The following AMPD1 variants were observed in gnomAD, a reference collection of about 807,000 sequenced individuals.
The protein encoded by AMPD1 is AMP deaminase 1.
AMPD1 carries 74 observed loss-of-function variants against 82.9 expected under a neutral mutation model. The observed-to-expected ratio is 0.89, with a 90% CI of 0.74 to 1.08. AMPD1 has a LOEUF of 1.08. Among genes scored for constraint, AMPD1 ranks in the 50% least tolerant of loss-of-function variants. The probability of loss-of-function intolerance (pLI) is 0.00; values close to 1 mark genes in which losing one functional copy is unlikely to be tolerated. For synonymous variants in AMPD1, 333 were observed against 320.5 expected (o/e 1.04, Z -0.42); for missense variants, 881 against 924.5 (o/e 0.95, Z 0.61).
chr1:114,695,326 G>A, intron 1 of AMPD1, 124 bp downstream of exon 1: 1 of 1,405,782 alleles, frequency 7.1e-7, no homozygotes, highest in Non-Finnish European at 9.8e-7. Context: ...TGAAATGTAT[G>A]TTAAAGCTAT....
chr1:114,677,828 TCC>T lies in AMPD1; in HGVS notation c.1224+80_1224+81del, dbSNP rs1333427610. 4.0e-6 allele frequency: 5 copies of T among 1,234,774 alleles called. No homozygotes were observed. In the African/African-American group the frequency reaches 7.8e-5, roughly 19 times the overall value. The allele number at this position is 1,234,774 out of a possible 1,614,324, so 76.5% of individuals were successfully genotyped here. A position where few individuals can be genotyped will look rare whatever the true frequency, so the allele number is the denominator to read the frequency against. ...TTCCTTCCTTCCTTCCTTCCTTCCTTCCTTCCTTCCTTCCTTCCTTCCTTCTT... is the reference window on the plus strand; with the variant it reads ...TTCCTTCCTTCCTTCCTTCCTTCCTTTTCCTTCCTTCCTTCCTTCCTTCTT... On this transcript the variant is annotated intron_variant, in intron 9 of 15. Coordinates refer to ENST00000520113, the MANE Select transcript of AMPD1 (RefSeq NM_000036.3).
chr1:114,683,516 G>T (rs1271756081), intron 5 of AMPD1, among the ~76,000 whole-genome samples: 2 of 152,070 alleles, frequency 1.3e-5, no homozygotes, highest in Non-Finnish European at 2.9e-5. Context: ...CAGGCAGATC[G>T]CTTGAGGCCA....
intron 3 of AMPD1, among the ~76,000 whole-genome samples, chr1:114,687,914 A>G (rs1658367065): frequency 6.6e-6 from 1 of 152,100 alleles, no homozygotes. Flanking sequence ...CCCAGTTTAT[A>G]TTACCATTGT....
rs1557969933 is a variant in AMPD1, at chr1:114,678,436, A to AC, written c.988dup (p.Val330GlyfsTer4). On this transcript the variant is annotated frameshift_variant, in exon 8 of 16. Transcript: ENST00000520113. LOFTEE classifies it high-confidence loss of function. ...ATTCTTCTCTTTGGTGCTATAGACC[A>AC]CTCTGTCAGCATCAATTTGGTAAGA... is the stretch of plus-strand genomic sequence containing the variant. The AC allele has an allele frequency of 6.2e-7, 1 of 1,613,950 alleles. No individual in the cohort carries two copies. The highest frequency in any genetic ancestry group is 1.3e-5 in the African/African-American group (1 of 74,878).
At chr1:114,675,049 G>T in intron 12 of AMPD1, 177 bp from the exon 13 acceptor site, 1 of 814,144 alleles carries the variant, frequency 1.2e-6, no homozygotes, top group Non-Finnish European at 2.0e-6. Flanking sequence ...AAAAGAGGCA[G>T]CAGAGGATAT....
Position 114,674,640 on chromosome 1 carries a change from T to TA in AMPD1, c.1800+111dup, listed in dbSNP as rs370838536. On this transcript the variant is annotated intron_variant, in intron 13 of 15. Transcript: ENST00000520113. ...CTAAACTAAAAAATCTTTTATGCTC[T>TA]ACTTGATTATGATTGCAGTGTCGAT... The TA allele has an allele frequency of 4.3e-3, 5,728 of 1,338,968 alleles. 71 individuals carry two copies. Among genetic ancestry groups the TA allele is most frequent in the South Asian group, 0.031 (2,432 of 78,050 alleles). 82.9% of individuals were successfully genotyped at this position (1,338,968 alleles called of 1,614,324 possible). A position where few individuals can be genotyped will look rare whatever the true frequency, so the allele number is the denominator to read the frequency against.
chr1:114,685,897 T>A (rs1027867402), intron 4 of AMPD1, among the ~76,000 whole-genome samples: 53 of 152,310 alleles, frequency 3.5e-4, no homozygotes, highest in Middle Eastern at 3.4e-3. Flanking sequence ...TTGTCACTTT[T>A]AAGTATCTTA....
At position 114,673,684 on chromosome 1, in the gene AMPD1, G is replaced by A. The variant is rs761985788; in HGVS notation, c.2040C>T (p.Cys680=). The A allele has an allele frequency of 1.5e-5, 24 of 1,613,902 alleles. No individual in the cohort carries two copies. The highest frequency in any genetic ancestry group is 6.7e-5 in the East Asian group (3 of 44,886). The change falls in exon 15 of 16, where the codon TGC becomes TGT. Residue 680 remains cysteine (C), a synonymous_variant. Coordinates refer to ENST00000520113, the MANE Select transcript of AMPD1 (RefSeq NM_000036.3). The part of the protein sequence containing the change: ...QVFKLSTCDM[C]EVARNSVLQC... The stretch of plus-strand genomic sequence containing the variant: ...GCAAGACACTGTTCCTTGCCACTTC[G>A]CACATATCACAGGTGCTCAGCTTGA...
chr1:114,690,082 C>A (rs1658468602), intron 2 of AMPD1, among the ~76,000 whole-genome samples: 1 of 152,208 alleles, frequency 6.6e-6, no homozygotes, highest in South Asian at 2.1e-4. Flanking sequence ...GAGAAAGATG[C>A]CCCCAGCTAT....
intron 5 of AMPD1, among the ~76,000 whole-genome samples, chr1:114,681,357 G>C (rs1268638886): frequency 6.6e-6 from 1 of 152,122 alleles, no homozygotes; most frequent in Non-Finnish European, 1.5e-5. Context: ...CATTTTGGGA[G>C]GCCAAGGTGG....
chr1:114,688,159 G>T (rs540009527), intron 3 of AMPD1, among the ~76,000 whole-genome samples: 1 of 151,664 alleles, frequency 6.6e-6, no homozygotes, highest in African/African-American at 2.4e-5. Context: ...ACAGACTCTC[G>T]CTCTGTCACG....
intron 15 of AMPD1, 108 bp downstream of exon 15, chr1:114,673,531 A>T: frequency 1.0e-6 from 1 of 981,214 alleles, no homozygotes. Flanking sequence ...TAGTAACTGC[A>T]TATGATTCGT....
rs758970440 is a variant in AMPD1 at position 114,675,615 on chromosome 1, C to T, written c.1594G>A (p.Glu532Lys). 3.7e-6 allele frequency: 6 copies of T among 1,614,178 alleles called. No individual in the cohort carries two copies. The South Asian group carries it at 5.5e-5, about 15-fold the overall frequency. The change falls in exon 12 of 16, where the codon GAG (glutamate) becomes AAG (lysine). Residue 532 changes from glutamate to lysine, a missense_variant. Physicochemically the swap from Glu to Lys is moderately conservative, Grantham distance 56. Around this residue, in one of 2 missense-constraint regions of AMPD1, gnomAD observed 783 missense variants for 786.4 expected, o/e 1.00. Transcript: ENST00000520113. Reference protein sequence around the residue: ...MFSSKSPKPQEWTLEKNPSYT... With the variant: ...MFSSKSPKPQKWTLEKNPSYT... ...GATGGATTCTTTTCCAATGTCCACTCCTGGGGCTTGGGACTCTTGGAGGAG... is the reference window on the plus strand; with the variant it reads ...GATGGATTCTTTTCCAATGTCCACTTCTGGGGCTTGGGACTCTTGGAGGAG...
At chr1:114,693,517 A>C (rs1570857733) in intron 1 of AMPD1, 70 bp from the exon 2 acceptor site, 1 of 1,399,580 alleles carries the variant, frequency 7.1e-7, no homozygotes. Context: ...GCTATTAATC[A>C]CTGCTTTGGG....
At chr1:114,684,982 G>T (rs1353803953) in intron 4 of AMPD1, among the ~76,000 whole-genome samples, 2 of 152,186 alleles carry the variant, frequency 1.3e-5, no homozygotes, top group African/African-American at 4.8e-5. Context: ...TATTAGAGCT[G>T]CTGGAAATTT....
chr1:114,673,106 AC>A lies in AMPD1; in HGVS notation c.*7del. 1.2e-6 allele frequency: 2 copies of A among 1,609,364 alleles called. No individual in the cohort carries two copies. Among genetic ancestry groups the A allele is most frequent in the Non-Finnish European group, 1.7e-6 (2 of 1,175,894 alleles). ...TCTCACTCATATTATTATTTGGTTTACTTTTTTTTATTCTGTTGATTTAAGA... is the reference window on the plus strand; with the variant it reads ...TCTCACTCATATTATTATTTGGTTTATTTTTTTTATTCTGTTGATTTAAGA... On this transcript the variant is annotated 3_prime_UTR_variant, in exon 16 of 16. Coordinates refer to ENST00000520113, the MANE Select transcript of AMPD1 (RefSeq NM_000036.3).
chr1:114,685,331 C>T (rs1658281933), intron 4 of AMPD1, among the ~76,000 whole-genome samples: 1 of 152,186 alleles, frequency 6.6e-6, no homozygotes, highest in Non-Finnish European at 1.5e-5. Flanking sequence ...ATGTTCTCAG[C>T]ACACAATGCC....
In AMPD1 at chr1:114,688,811, G is replaced by A. The variant is rs1038594235; in HGVS notation, c.35-70C>T. 5 of 1,550,712 alleles carry A rather than the reference G, an allele frequency of 3.2e-6. No homozygotes were observed. In the African/African-American group the frequency reaches 4.1e-5, roughly 13 times the overall value. On this transcript the variant is annotated intron_variant, in intron 2 of 15. Coordinates refer to ENST00000520113, the MANE Select transcript of AMPD1 (RefSeq NM_000036.3). ...AGTCAGCTGAGAGTTTCTGCTATGT[G>A]TAAGGCATGGGACAAGGACTGTGCT... is the stretch of plus-strand genomic sequence containing the variant.
intron 2 of AMPD1, among the ~76,000 whole-genome samples, chr1:114,693,049 C>T (rs559130155): frequency 8.6e-5 from 13 of 151,176 alleles, no homozygotes; most frequent in South Asian, 2.1e-4. Context: ...TAGTTGAATC[C>T]GGGAGGCAAA....
Sources: allele counts gnomAD v4.1 joint callset (sites outside exome capture counted in the v4.1 genomes callset), GRCh38; gene constraint gnomAD v4.1.1; regional missense constraint gnomAD v4.1.1; transcripts MANE v1.5; gene names NCBI Gene and HGNC (gene_info 2026-07-23, HGNC 2026-07-21).